PPP1R9A: variants seen among roughly 807,000 people sequenced by gnomAD.
PPP1R9A encodes the protein neurabin-1.
Under a neutral mutation model 141.9 loss-of-function variants are expected in PPP1R9A, and 59 were observed. The observed-to-expected ratio is 0.42, with a 90% CI of 0.34 to 0.52. PPP1R9A has a LOEUF of 0.52. Ranked by LOEUF, PPP1R9A falls within the 20% of genes least tolerant of loss-of-function variation. The probability of loss-of-function intolerance (pLI) is 0.10; values close to 1 mark genes in which losing one functional copy is unlikely to be tolerated. For synonymous variants in PPP1R9A, 500 were observed against 569.7 expected (o/e 0.88, Z 1.74); for missense variants, 1,444 against 1,611.9 (o/e 0.90, Z 1.78).
rs1162811842 is a variant in PPP1R9A at position 95,296,115 on chromosome 7, C to T, written c.*5812C>T. 1 of 152,518 alleles carries T rather than the reference C, an allele frequency of 6.6e-6. No homozygotes were observed. Among genetic ancestry groups the T allele is most frequent in the Admixed American group, 6.6e-5 (1 of 15,266 alleles). 9.4% of individuals were successfully genotyped at this position (152,518 alleles called of 1,614,324 possible). ...ATGTTACCTAAGCTTTTAATTTGTA[C>T]ATTTTGATGTCTGATCATTTGCATG... is the stretch of plus-strand genomic sequence containing the variant. On this transcript the variant is annotated 3_prime_UTR_variant, in exon 20 of 20. Transcript: ENST00000433360.
At chr7:95,186,268 T>C (rs1486709756) in intron 5 of PPP1R9A, among the ~76,000 whole-genome samples, 1 of 151,982 alleles carries the variant, frequency 6.6e-6, no homozygotes, top group East Asian at 1.9e-4. Context: ...TTTAGGAGGG[T>C]GAGGAGCTGT....
chr7:95,280,698 G>A (rs1804045495), intron 16 of PPP1R9A, among the ~76,000 whole-genome samples: 1 of 152,074 alleles, frequency 6.6e-6, no homozygotes, highest in Non-Finnish European at 1.5e-5. Flanking sequence ...AAGGTGAAGG[G>A]AATATAGACT....
chr7:95,235,847 A>G (rs1796605162), intron 8 of PPP1R9A, among the ~76,000 whole-genome samples: 1 of 152,230 alleles, frequency 6.6e-6, no homozygotes, highest in African/African-American at 2.4e-5. Context: ...ATTCACAGCA[A>G]CCTGGATGGA....
intron 2 of PPP1R9A, among the ~76,000 whole-genome samples, chr7:94,922,718 C>T (rs1488271810): frequency 6.6e-6 from 1 of 152,086 alleles, no homozygotes; most frequent in East Asian, 1.9e-4. Flanking sequence ...ATTAAAAACA[C>T]ATACATCAAA....
chr7:95,039,349 A>G (rs1808886592), intron 2 of PPP1R9A, among the ~76,000 whole-genome samples: 1 of 152,056 alleles, frequency 6.6e-6, no homozygotes, highest in African/African-American at 2.4e-5. Flanking sequence ...CAGGCAGATC[A>G]CTTCAGGTCA....
chr7:95,160,810 G>T (rs1357855094), intron 4 of PPP1R9A, among the ~76,000 whole-genome samples: 1 of 152,088 alleles, frequency 6.6e-6, no homozygotes, highest in Non-Finnish European at 1.5e-5. Flanking sequence ...GTTTGCTTAG[G>T]ATAATGGCCT....
intron 8 of PPP1R9A, among the ~76,000 whole-genome samples, chr7:95,242,885 A>G (rs1394320884): frequency 6.6e-6 from 1 of 152,090 alleles, no homozygotes; most frequent in African/African-American, 2.4e-5. Flanking sequence ...CTCTATTTCT[A>G]TTAACCAGCC....
intron 4 of PPP1R9A, among the ~76,000 whole-genome samples, chr7:95,124,756 AG>A (rs1429154692): frequency 2.0e-5 from 3 of 152,188 alleles, no homozygotes; most frequent in African/African-American, 7.2e-5. Context: ...ATTTAAACTC[AG>A]ATTTAGTCAT....
intron 4 of PPP1R9A, chr7:95,157,072 TTC>T (rs1250826415): frequency 6.6e-6 from 1 of 152,544 alleles, no homozygotes; most frequent in Non-Finnish European, 1.5e-5. Context: ...GCTTCAGGCC[TTC>T]TCTCAGGGAT....
chr7:95,012,863 C>T (rs1804620482), intron 2 of PPP1R9A, among the ~76,000 whole-genome samples: 2 of 152,182 alleles, frequency 1.3e-5, no homozygotes, highest in Admixed American at 1.3e-4. Context: ...GGGCTGCCTT[C>T]ACAAAGTGAG....
rs1804553624 is a variant in PPP1R9A, at chr7:95,282,977, A to AC, written c.3297-1040dup. On this transcript the variant is annotated intron_variant, in intron 16 of 19. Transcript: ENST00000433360. ...ATGTAAGAAGACTGAAATTCAGTAT[A>AC]CATGTGGTGGGACAGAAGTTGTCTG... Among the ~76,000 whole-genome samples the AC allele has an allele frequency of 2.6e-5, 4 of 152,318 alleles. No homozygotes were observed. In the South Asian group the frequency reaches 8.3e-4, roughly 32 times the overall value.
intron 5 of PPP1R9A, among the ~76,000 whole-genome samples, chr7:95,187,202 T>A (rs1834780800): frequency 6.6e-6 from 1 of 152,292 alleles, no homozygotes; most frequent in South Asian, 2.1e-4. Context: ...TTACTCATTA[T>A]TGATCTGATC....
In PPP1R9A at chr7:95,293,583, A is replaced by T. The variant is rs1165418700; in HGVS notation, c.*3280A>T. Reference sequence around the variant, plus strand: ...TCACCTTTTGCTCCATTGTTGTTGGAAACAAAGTGGCAAGAGGGAAAATGA... The same window carrying T: ...TCACCTTTTGCTCCATTGTTGTTGGTAACAAAGTGGCAAGAGGGAAAATGA... On this transcript the variant is annotated 3_prime_UTR_variant, in exon 20 of 20. Transcript: ENST00000433360. 1.3e-5 allele frequency: 2 copies of T among 152,184 alleles called. No individual in the cohort carries two copies. The highest frequency in any genetic ancestry group is 4.8e-5 in the African/African-American group (2 of 41,444). The allele number at this position is 152,184 out of a possible 1,614,324, so 9.4% of individuals were successfully genotyped here.
intron 2 of PPP1R9A, among the ~76,000 whole-genome samples, chr7:94,921,778 A>G (rs1046091268): frequency 1.3e-5 from 2 of 152,070 alleles, no homozygotes; most frequent in East Asian, 1.9e-4. Context: ...CAGGTGTTAT[A>G]TAATATTCTA....
At chr7:95,088,722 A>C (rs1443135673) in intron 2 of PPP1R9A, among the ~76,000 whole-genome samples, 2 of 151,946 alleles carry the variant, frequency 1.3e-5, no homozygotes, top group Non-Finnish European at 2.9e-5. Context: ...CAGACAAGTA[A>C]ATCACTTTTG....
At chr7:95,170,855 C>G (rs1832003935) in intron 5 of PPP1R9A, among the ~76,000 whole-genome samples, 1 of 151,512 alleles carries the variant, frequency 6.6e-6, no homozygotes. Flanking sequence ...GGATTATTAA[C>G]TTTTTAAAAC....
intron 2 of PPP1R9A, among the ~76,000 whole-genome samples, chr7:94,917,849 C>T (rs1276169042): frequency 6.6e-6 from 1 of 152,090 alleles, no homozygotes; most frequent in Non-Finnish European, 1.5e-5. Flanking sequence ...ATCCATGTGT[C>T]GTTTACCTTG....
intron 2 of PPP1R9A, among the ~76,000 whole-genome samples, chr7:95,026,287 A>G (rs1373702927): frequency 6.6e-6 from 1 of 151,962 alleles, no homozygotes; most frequent in Non-Finnish European, 1.5e-5. Context: ...GTTGATGTTG[A>G]TGCTATTTGT....
In PPP1R9A at chr7:95,294,986, C is replaced by G. The variant is rs187357917; in HGVS notation, c.*4683C>G. 3 of 152,658 alleles carry G rather than the reference C, an allele frequency of 2.0e-5. No individual in the cohort carries two copies. The East Asian group carries it at 5.8e-4, about 30-fold the overall frequency. The allele number at this position is 152,658 out of a possible 1,614,324, so 9.5% of individuals were successfully genotyped here. ...TTCCTATGCTTGACCCTAACCCAAC[C>G]CCAAAACTGCTAGGGATTCAACAGT... On this transcript the variant is annotated 3_prime_UTR_variant, in exon 20 of 20. Transcript: ENST00000433360.
Sources: gnomAD v4.1 joint callset for allele counts (sites outside exome capture counted in the v4.1 genomes callset) on GRCh38, gnomAD v4.1.1 for gene constraint, MANE v1.5 for transcripts, NCBI Gene and HGNC (gene_info 2026-07-23, HGNC 2026-07-21) for gene names.